WIPF3: variants seen among roughly 807,000 people sequenced by gnomAD.
WIPF3 encodes WAS/WASL-interacting protein family member 3.
WIPF3 carries 33 observed loss-of-function variants against 38.9 expected under a neutral mutation model. The observed-to-expected ratio is 0.85, with a 90% confidence interval of 0.64 to 1.14. The LOEUF is 1.14. Among genes scored for constraint, WIPF3 ranks in the 50% most tolerant of loss-of-function variants. The pLI is 0.00. For synonymous variants in WIPF3, 324 were observed against 269.3 expected (o/e 1.20, Z -1.99); for missense variants, 711 against 652.5 (o/e 1.09, Z -0.98).
At chr7:29,858,875 GT>G (rs1302045961) in intron 2 of WIPF3, among the ~76,000 whole-genome samples, 34 of 152,254 alleles carry the variant, frequency 2.2e-4, no homozygotes, top group African/African-American at 8.2e-4. Context: ...AAAAATACTT[GT>G]TTCTATTTTC....
In WIPF3 at chr7:29,883,998, C is replaced by T; in HGVS notation, c.504C>T (p.Arg168=). The change falls in exon 5 of 9, where the codon CGC becomes CGT. Residue 168 remains arginine (R), a synonymous_variant. Transcript: ENST00000242140. ...AHGAARTAPP[R]PNVPAPPPPT... is the part of the protein sequence containing the mutation. The stretch of plus-strand genomic sequence containing the variant: ...GCGCTGCCAGGACAGCCCCGCCTCG[C>T]CCCAACGTGCCTGCCCCGCCCCCTC... 3.3e-6 allele frequency: 5 copies of T among 1,527,834 alleles called. No individual in the cohort carries two copies. Among genetic ancestry groups the T allele is most frequent in the Admixed American group, 2.0e-5 (1 of 49,948 alleles). The allele number at this position is 1,527,834 out of a possible 1,614,324, so 94.6% of individuals were successfully genotyped here.
chr7:29,888,168 G>C lies in WIPF3; in HGVS notation c.1200G>C (p.Pro400=). 1.9e-6 allele frequency: 3 copies of C among 1,613,192 alleles called. No homozygotes were observed. The highest frequency in any genetic ancestry group is 2.2e-5 in the South Asian group (2 of 90,876). ...GCCAGCAGGCCACAGCCTGGACCCC[G>C]ACGCAGCAGCCTGGAGGTCAACTGC... ...SKSQQATAWT[P]TQQPGGQLRN... The change falls in exon 6 of 9, where the codon CCG becomes CCC. Residue 400 remains proline (P), a synonymous_variant. Transcript: ENST00000242140.
intron 7 of WIPF3, among the ~76,000 whole-genome samples, chr7:29,894,780 CACACACACG>C (rs1349089382): frequency 6.6e-6 from 1 of 151,562 alleles, no homozygotes; most frequent in Non-Finnish European, 1.5e-5. Flanking sequence ...CACACACACA[CACACACACG>C]ACACACACAC....
chr7:29,907,688 A>C (rs1280589772), intron 8 of WIPF3, among the ~76,000 whole-genome samples: 1 of 152,222 alleles, frequency 6.6e-6, no homozygotes, highest in Non-Finnish European at 1.5e-5. Context: ...ACCATCTAGC[A>C]GACAGCGAGC....
intron 7 of WIPF3, among the ~76,000 whole-genome samples, chr7:29,896,504 T>C (rs937420048): frequency 1.3e-5 from 2 of 152,154 alleles, no homozygotes; most frequent in African/African-American, 4.8e-5. Flanking sequence ...TAGTCCCAGC[T>C]ACCTGGGAGG....
chr7:29,812,170 T>A (rs985539094), intron 1 of WIPF3, among the ~76,000 whole-genome samples: 2 of 152,248 alleles, frequency 1.3e-5, no homozygotes, highest in Non-Finnish European at 2.9e-5. Context: ...TTTTATTTTT[T>A]AAACATTTTT....
intron 2 of WIPF3, among the ~76,000 whole-genome samples, chr7:29,859,528 C>T (rs756562130): frequency 4.6e-5 from 7 of 152,104 alleles, no homozygotes; most frequent in Non-Finnish European, 1.0e-4. Context: ...TGGGGACTAT[C>T]CCAGAAGGTT....
At chr7:29,873,061 T>G (rs1004395689) in intron 2 of WIPF3, among the ~76,000 whole-genome samples, 2 of 152,144 alleles carry the variant, frequency 1.3e-5, no homozygotes, top group African/African-American at 4.8e-5. Flanking sequence ...ATGTCCAAAG[T>G]TAAAATCATC....
rs753290869 is a variant in WIPF3, at chr7:29,883,970, A to G, written c.476A>G (p.His159Arg). The change falls in exon 5 of 9, where the codon CAT (histidine) becomes CGT (arginine). Residue 159 changes from histidine to arginine, a missense_variant. Transcript: ENST00000242140. Reference protein sequence around the residue: ...SPRLGNTSEAHGAARTAPPRP... With the variant: ...SPRLGNTSEARGAARTAPPRP... ...AGGCTAGGCAATACCTCCGAGGCGC[A>G]TGGCGCTGCCAGGACAGCCCCGCCT... The G allele has an allele frequency of 5.8e-6, 9 of 1,545,836 alleles. No homozygotes were observed. The South Asian group carries it at 7.2e-5, about 12-fold the overall frequency.
chr7:29,896,849 C>T (rs1786155919), intron 7 of WIPF3, among the ~76,000 whole-genome samples: 1 of 152,174 alleles, frequency 6.6e-6, no homozygotes. Context: ...TAAAGAATGA[C>T]ATCATCTTCC....
At chr7:29,829,718 C>T (rs543395361) in intron 1 of WIPF3, among the ~76,000 whole-genome samples, 5 of 152,278 alleles carry the variant, frequency 3.3e-5, no homozygotes, top group African/African-American at 4.8e-5. Flanking sequence ...CAAGGCCACA[C>T]GGCCAGGAAA....
chr7:29,835,783 G>A (rs553959596), intron 2 of WIPF3, among the ~76,000 whole-genome samples: 20 of 152,300 alleles, frequency 1.3e-4, no homozygotes, highest in Admixed American at 1.1e-3. Context: ...TGACGGTATG[G>A]CACACAGAGA....
In WIPF3 at chr7:29,806,572, C is replaced by G. The variant is rs1784281266; in HGVS notation, c.-164C>G. 2 of 151,396 alleles carry G rather than the reference C, an allele frequency of 1.3e-5. No individual in the cohort carries two copies. The highest frequency in any genetic ancestry group is 2.9e-5 in the Non-Finnish European group (2 of 67,852). The allele number at this position is 151,396 out of a possible 1,614,324, so 9.4% of individuals were successfully genotyped here. Reference sequence around the variant, plus strand: ...GCGCAGCTCGGCGGTAGCGGCGCCGCTTGGAGCACGGGCGCTGCGGGACGG... The same window carrying G: ...GCGCAGCTCGGCGGTAGCGGCGCCGGTTGGAGCACGGGCGCTGCGGGACGG... On this transcript the variant is annotated 5_prime_UTR_variant, in exon 1 of 9. Transcript: ENST00000242140.
intron 1 of WIPF3, among the ~76,000 whole-genome samples, chr7:29,809,854 T>C (rs2128060715): frequency 6.6e-6 from 1 of 152,252 alleles, no homozygotes; most frequent in East Asian, 1.9e-4. Context: ...AGGAAGATTT[T>C]CAAGTGCATC....
At position 29,823,150 on chromosome 7, in the gene WIPF3, G is replaced by A. The variant is rs766385824; in HGVS notation, c.-57-11518G>A. ...CTTGAACAAATAGATGGGAATTACAGCCAGAACTAGAAACCAGTTTTCCCA... is the reference window on the plus strand; with the variant it reads ...CTTGAACAAATAGATGGGAATTACAACCAGAACTAGAAACCAGTTTTCCCA... On this transcript the variant is annotated intron_variant, in intron 1 of 8. Coordinates refer to ENST00000242140, the MANE Select transcript of WIPF3 (RefSeq NM_001080529.3). The surrounding 1 kb of genome is among the most constrained non-coding windows in gnomAD (Gnocchi z 4.0). 5.9e-5 allele frequency among the ~76,000 whole-genome samples: 9 copies of A among 152,306 alleles called. No individual in the cohort carries two copies. The highest frequency in any genetic ancestry group is 3.4e-3 in the Middle Eastern group (1 of 294).
At chr7:29,871,803 TC>T (rs1281202143) in intron 2 of WIPF3, among the ~76,000 whole-genome samples, 1 of 152,210 alleles carries the variant, frequency 6.6e-6, no homozygotes, top group Non-Finnish European at 1.5e-5. Flanking sequence ...AGACTGTTGT[TC>T]AATTTTTGTA....
intron 2 of WIPF3, among the ~76,000 whole-genome samples, chr7:29,838,996 T>G (rs1350895398): frequency 6.6e-6 from 1 of 152,030 alleles, no homozygotes; most frequent in East Asian, 1.9e-4. Context: ...AAAAATAAAC[T>G]ACAGTGTTTA....
intron 2 of WIPF3, among the ~76,000 whole-genome samples, chr7:29,852,694 A>G (rs73686250): frequency 0.025 from 3,844 of 152,256 alleles, 139 homozygotes; most frequent in African/African-American, 0.079. Flanking sequence ...TTGCGAAACC[A>G]CTTGTTCTCT....
chr7:29,864,986 A>G (rs1409168208), intron 2 of WIPF3, among the ~76,000 whole-genome samples: 1 of 152,200 alleles, frequency 6.6e-6, no homozygotes, highest in East Asian at 1.9e-4. Context: ...ATTAGGGGGA[A>G]CTGATATTAA....
Sources: allele counts gnomAD v4.1 joint callset (sites outside exome capture counted in the v4.1 genomes callset), GRCh38; gene constraint gnomAD v4.1.1; non-coding constraint Gnocchi (gnomAD v3.1); transcripts MANE v1.5; gene names NCBI Gene and HGNC (gene_info 2026-07-23, HGNC 2026-07-21).